The following NCOR1 variants were observed in gnomAD, a reference collection of about 807,000 sequenced individuals.
NCOR1 encodes protein phosphatase 1, regulatory subunit 109.
A neutral mutation model predicts 288.1 loss-of-function variants in NCOR1; 63 were observed. The observed-to-expected ratio is 0.22, with a 90% CI of 0.18 to 0.27. The LOEUF is 0.27. Ranked by LOEUF, NCOR1 falls within the 10% of genes least tolerant of loss-of-function variation. The pLI, the probability that NCOR1 is intolerant of heterozygous loss-of-function variation, is 1.00. For synonymous variants in NCOR1, 1,007 were observed against 1,065.9 expected (o/e 0.94, Z 1.08); for missense variants, 2,397 against 3,019.2 (o/e 0.79, Z 4.83).
chr17:16,064,995 G>A lies in NCOR1; in HGVS notation c.4976C>T (p.Pro1659Leu). 1 of 1,613,884 alleles carries A rather than the reference G, an allele frequency of 6.2e-7. No homozygotes were observed. Among genetic ancestry groups the A allele is most frequent in the Non-Finnish European group, 8.5e-7 (1 of 1,179,874 alleles). The change falls in exon 34 of 46, where the codon CCT becomes CTT. Residue 1659 changes from proline to leucine, a missense_variant. By Grantham distance (98) the Pro-to-Leu change is moderately conservative (BLOSUM62 -3). This residue lies in a region of NCOR1 where 1,872 missense variants were observed against 2,187.8 expected (regional missense o/e 0.86). Transcript: ENST00000268712. Reference sequence around the variant, plus strand: ...TGGATGAGGCACTAAAATTGTTGGAGGCATATTGGTCAGGTCAATGATTCC... The same window carrying A: ...TGGATGAGGCACTAAAATTGTTGGAAGCATATTGGTCAGGTCAATGATTCC... ...TRGIIDLTNM[P>L]PTILVPHPGG...
chr17:16,131,693 T>C (rs934065280), intron 14 of NCOR1, among the ~76,000 whole-genome samples: 4 of 152,208 alleles, frequency 2.6e-5, no homozygotes, highest in Admixed American at 6.5e-5. Context: ...GCCTATCTTA[T>C]CAAAATTTAT....
chr17:16,102,335 T>C (rs1165696596), intron 19 of NCOR1, among the ~76,000 whole-genome samples: 1 of 152,156 alleles, frequency 6.6e-6, no homozygotes, highest in Non-Finnish European at 1.5e-5. Context: ...CAGGCTGGAG[T>C]GCAATGGTGC....
intron 1 of NCOR1, among the ~76,000 whole-genome samples, chr17:16,197,089 G>C (rs1179824047): frequency 6.6e-6 from 1 of 152,000 alleles, no homozygotes; most frequent in Non-Finnish European, 1.5e-5. Flanking sequence ...TAGGAGGCCA[G>C]CGCAGGCAGA....
rs200495529 is a variant in NCOR1 at position 16,057,878 on chromosome 17, T to G, written c.6168+29A>C. 1.0e-5 allele frequency: 16 copies of G among 1,555,768 alleles called. No homozygotes were observed. In the East Asian group the frequency reaches 1.4e-4, roughly 13 times the overall value. On this transcript the variant is annotated intron_variant, in intron 39 of 45. Coordinates refer to ENST00000268712, the MANE Select transcript of NCOR1 (RefSeq NM_006311.4). The stretch of plus-strand genomic sequence containing the variant: ...TTTCCCCATGATCAAAAAAGAAAAA[T>G]TAACTAATAAGAATAATGAAAAACT...
At position 16,127,325 on chromosome 17, in the gene NCOR1, GTATGTATATATACATGTATGTA is replaced by G. The variant is rs1568196873; in HGVS notation, c.1510-1141_1510-1120del. ...TGTATATATACATGTATGTATATAT[GTATGTATATATACATGTATGTA>G]TATATGTATGTATATATACATGTAT... On this transcript the variant is annotated intron_variant, in intron 14 of 45. Transcript: ENST00000268712. Among the ~76,000 whole-genome samples, 62 of 100,358 alleles carry G rather than the reference GTATGTATATATACATGTATGTA, an allele frequency of 6.2e-4. 15 individuals are homozygous for G. The highest frequency in any genetic ancestry group is 2.1e-3 in the African/African-American group (58 of 27,156). 65.8% of individuals were successfully genotyped at this position (100,358 alleles called of 152,430 possible). A position where few individuals can be genotyped will look rare whatever the true frequency, so the allele number is the denominator to read the frequency against.
At chr17:16,182,171 G>A (rs1164679632) in intron 3 of NCOR1, among the ~76,000 whole-genome samples, 1 of 152,020 alleles carries the variant, frequency 6.6e-6, no homozygotes, top group African/African-American at 2.4e-5. Flanking sequence ...AATAAAAATT[G>A]GAATAGTATT....
chr17:16,064,138 T>C lies in NCOR1; in HGVS notation c.5151A>G (p.Glu1717=), dbSNP rs1438079895. 6.2e-7 allele frequency: 1 copy of C among 1,613,702 alleles called. No individual in the cohort carries two copies. Among genetic ancestry groups the C allele is most frequent in the African/African-American group, 1.3e-5 (1 of 74,808 alleles). ...GCTCCCGCTCCTTCTCCCGCTCCCG[T>C]TCCCGTTCCCTCTCAGCACTTGCAG... ...AAAASAERER[E]REREKERERE... The change falls in exon 35 of 46, where the codon GAA becomes GAG. Residue 1717 remains glutamate, a synonymous_variant. Transcript: ENST00000268712.
intron 14 of NCOR1, among the ~76,000 whole-genome samples, chr17:16,130,764 A>T (rs966445447): frequency 6.6e-6 from 1 of 151,752 alleles, no homozygotes; most frequent in African/African-American, 2.4e-5. Flanking sequence ...GCTCACTGCA[A>T]CCTATGCCTC....
At chr17:16,092,693 ATATTTTTTTTTTT>A (rs2065596428) in intron 21 of NCOR1, among the ~76,000 whole-genome samples, 3 of 12,774 alleles carry the variant, frequency 2.3e-4, no homozygotes, top group East Asian at 5.6e-3. Context: ...ATATATATAT[ATATTTTTTTTTTT>A]TTTTTTTTTT....
chr17:16,084,318 CAA>C (rs2063876386), intron 23 of NCOR1: 1 of 152,062 alleles, frequency 6.6e-6, no homozygotes, highest in African/African-American at 2.4e-5. Context: ...CTGCTAATAG[CAA>C]AGAGAATTTC....
chr17:16,213,682 A>T (rs758342676), intron 1 of NCOR1, among the ~76,000 whole-genome samples: 1 of 152,068 alleles, frequency 6.6e-6, no homozygotes, highest in African/African-American at 2.4e-5. Flanking sequence ...TGTTTAAAAC[A>T]ATTTTATAAC....
chr17:16,110,529 A>G (rs61352879), intron 18 of NCOR1, among the ~76,000 whole-genome samples: 6,467 of 152,264 alleles, frequency 0.042, 147 homozygotes, highest in East Asian at 0.07. Context: ...TATTTACATT[A>G]TATTTATAAC....
intron 37 of NCOR1, among the ~76,000 whole-genome samples, chr17:16,058,803 T>G (rs1213365264): frequency 6.6e-6 from 1 of 151,838 alleles, no homozygotes; most frequent in Non-Finnish European, 1.5e-5. Context: ...TCCCAGCACT[T>G]TGGAAGGCCG....
At chr17:16,095,548 G>GC (rs1348809087) in intron 21 of NCOR1, among the ~76,000 whole-genome samples, 3 of 131,212 alleles carry the variant, frequency 2.3e-5, no homozygotes, top group Non-Finnish European at 3.3e-5. Flanking sequence ...TGGGGGGTCA[G>GC]CCCCCCGCCC....
intron 19 of NCOR1, among the ~76,000 whole-genome samples, chr17:16,102,534 T>C (rs984562920): frequency 1.3e-5 from 2 of 152,186 alleles, no homozygotes; most frequent in East Asian, 1.9e-4. Context: ...TAAGATTATT[T>C]TTCCTTTTTT....
intron 22 of NCOR1, among the ~76,000 whole-genome samples, chr17:16,090,723 G>A (rs993716514): frequency 2.0e-5 from 3 of 152,122 alleles, no homozygotes; most frequent in African/African-American, 7.2e-5. Flanking sequence ...AAATTAACAA[G>A]TTTAAATTTA....
chr17:16,127,595 ATGTATACATACATATGTGTATG>A (rs2074791356), intron 14 of NCOR1, among the ~76,000 whole-genome samples: 2 of 146,216 alleles, frequency 1.4e-5, no homozygotes, highest in Admixed American at 6.9e-5. Context: ...GTATATATGT[ATGTATACATACATATGTGTATG>A]TGTATATATA....
chr17:16,156,790 T>C (rs1192551041), intron 6 of NCOR1, among the ~76,000 whole-genome samples: 1 of 152,142 alleles, frequency 6.6e-6, no homozygotes, highest in East Asian at 1.9e-4. Flanking sequence ...AACATCTATA[T>C]ATAAAAATTA....
intron 14 of NCOR1, among the ~76,000 whole-genome samples, chr17:16,132,512 A>G (rs2075793757): frequency 6.6e-6 from 1 of 152,350 alleles, no homozygotes; most frequent in East Asian, 1.9e-4. Flanking sequence ...CAACAAAAAC[A>G]TATAGAGAAC....
Sources: gnomAD v4.1 joint callset for allele counts (sites outside exome capture counted in the v4.1 genomes callset) on GRCh38, gnomAD v4.1.1 for gene constraint, gnomAD v4.1.1 regional missense constraint, MANE v1.5 for transcripts, NCBI Gene and HGNC (gene_info 2026-07-23, HGNC 2026-07-21) for gene names.